TNRC6A: variants seen among roughly 807,000 people sequenced by gnomAD.
TNRC6A encodes trinucleotide repeat-containing gene 6A protein.
TNRC6A carries 44 observed loss-of-function variants against 221.2 expected under a neutral mutation model. That is an observed-to-expected ratio of 0.20 (90% CI 0.16 to 0.26). The LOEUF is 0.26. Ranked by LOEUF, TNRC6A falls within the 10% of genes least tolerant of loss-of-function variation. The pLI, the probability that TNRC6A is intolerant of heterozygous loss-of-function variation, is 1.00. For missense variants in TNRC6A, 2,199 were observed against 2,404.4 expected (o/e 0.91, Z 1.79); for synonymous variants, 847 against 838.5 (o/e 1.01, Z -0.18).
At chr16:24,660,339 C>T (rs970646419) in intron 2 of TNRC6A, among the ~76,000 whole-genome samples, 8 of 152,150 alleles carry the variant, frequency 5.3e-5, no homozygotes, top group African/African-American at 1.9e-4. Flanking sequence ...GTTTGGTTTT[C>T]CATTCCTGAG....
At chr16:24,691,021 G>A (rs115087415) in intron 2 of TNRC6A, among the ~76,000 whole-genome samples, 1,814 of 152,094 alleles carry the variant, frequency 0.012, 38 homozygotes, top group African/African-American at 0.041. Context: ...GTGTTAGCCA[G>A]GATTCGTCTC....
At chr16:24,768,770 G>C (rs1057221270) in intron 4 of TNRC6A, among the ~76,000 whole-genome samples, 8 of 152,186 alleles carry the variant, frequency 5.3e-5, no homozygotes, top group Non-Finnish European at 1.0e-4. Context: ...TTTGTGTACT[G>C]TATTTCTGCC....
At chr16:24,691,257 A>C (rs1239515349) in intron 2 of TNRC6A, among the ~76,000 whole-genome samples, 1 of 150,954 alleles carries the variant, frequency 6.6e-6, no homozygotes, top group Non-Finnish European at 1.5e-5. Flanking sequence ...TTCCTCTATC[A>C]CCCAGGCTGG....
At chr16:24,818,739 C>T (rs764902795) in intron 21 of TNRC6A, 39 bp downstream of exon 21, 1 of 1,496,942 alleles carries the variant, frequency 6.7e-7, no homozygotes, top group Non-Finnish European at 9.3e-7. Flanking sequence ...GGGTTGGTCA[C>T]AGCCAGAGCC....
At chr16:24,657,756 G>T (rs1214876146) in intron 2 of TNRC6A, among the ~76,000 whole-genome samples, 1 of 150,770 alleles carries the variant, frequency 6.6e-6, no homozygotes, top group African/African-American at 2.4e-5. Context: ...AGCCAAAAAT[G>T]CAGTGGAGAC....
At chr16:24,819,268 A>G (rs949361653) in intron 21 of TNRC6A, among the ~76,000 whole-genome samples, 1 of 152,152 alleles carries the variant, frequency 6.6e-6, no homozygotes, top group African/African-American at 2.4e-5. Flanking sequence ...AAAAGAGTTG[A>G]TAGTGATGGA....
chr16:24,673,390 C>G (rs2055345599), intron 2 of TNRC6A, among the ~76,000 whole-genome samples: 1 of 152,062 alleles, frequency 6.6e-6, no homozygotes, highest in Admixed American at 6.6e-5. Context: ...GAACTGTGTT[C>G]CACAGCCTTC....
At chr16:24,782,113 C>T (rs567811460) in intron 5 of TNRC6A, among the ~76,000 whole-genome samples, 44 of 152,264 alleles carry the variant, frequency 2.9e-4, no homozygotes, top group Non-Finnish European at 5.4e-4. Flanking sequence ...TGAGCCACCG[C>T]GCCCGGCCAA....
At chr16:24,634,587 T>A (rs189535154) in intron 1 of TNRC6A, among the ~76,000 whole-genome samples, 363 of 152,302 alleles carry the variant, frequency 2.4e-3, no homozygotes, top group Non-Finnish European at 4.1e-3. Context: ...ACCACAGGTA[T>A]GACTTATTCG....
chr16:24,645,493 AAAAAAAC>A (rs935399245), intron 2 of TNRC6A, among the ~76,000 whole-genome samples: 12 of 151,978 alleles, frequency 7.9e-5, no homozygotes, highest in South Asian at 4.2e-4. Flanking sequence ...CTGTCTCAAA[AAAAAAAC>A]AAAAAACAAA....
In TNRC6A at chr16:24,721,976, G is replaced by A. The variant is rs74695304; in HGVS notation, n.403-28750G>A. On this transcript the variant is annotated intron_variant and non_coding_transcript_variant, in intron 2 of 2. Coordinates refer to the TNRC6A transcript ENST00000566108. ...TTGTGGTGATGTGAATCAGAAAAGC[G>A]GTTTCCTGGTGGTAGGTGTCTGTGG... Among the ~76,000 whole-genome samples, 418 of 152,276 alleles carry A rather than the reference G, an allele frequency of 2.7e-3. 1 individual carries two copies. The highest frequency in any genetic ancestry group is 9.7e-3 in the African/African-American group (401 of 41,552).
chr16:24,727,298 G>A (rs1380393553), upstream of TNRC6A, among the ~76,000 whole-genome samples: 1 of 151,998 alleles, frequency 6.6e-6, no homozygotes, highest in African/African-American at 2.4e-5. Flanking sequence ...CAAAGTGCTG[G>A]GATTACAGGC....
chr16:24,689,411 T>C (rs1469061325), intron 2 of TNRC6A, among the ~76,000 whole-genome samples: 6 of 152,146 alleles, frequency 3.9e-5, no homozygotes, highest in Non-Finnish European at 8.8e-5. Context: ...CAAGAACAGA[T>C]TGAAGAAGAC....
intron 3 of TNRC6A, among the ~76,000 whole-genome samples, chr16:24,757,334 T>C (rs774563472): frequency 6.6e-6 from 1 of 152,212 alleles, no homozygotes; most frequent in Non-Finnish European, 1.5e-5. Context: ...TATAATAGTA[T>C]AATTTAAAAT....
intron 2 of TNRC6A, among the ~76,000 whole-genome samples, chr16:24,686,472 C>A (rs1018021606): frequency 1.3e-5 from 2 of 152,180 alleles, no homozygotes; most frequent in African/African-American, 4.8e-5. Context: ...TCACACACAT[C>A]CCCAATTTGC....
intron 2 of TNRC6A, among the ~76,000 whole-genome samples, chr16:24,748,786 T>G (rs192080249): frequency 6.6e-6 from 1 of 152,262 alleles, no homozygotes; most frequent in East Asian, 1.9e-4. Flanking sequence ...TTCTTCAACA[T>G]CCCTACTGCC....
intron 1 of TNRC6A, among the ~76,000 whole-genome samples, chr16:24,621,944 G>A (rs2141603271): frequency 6.6e-6 from 1 of 152,314 alleles, no homozygotes; most frequent in South Asian, 2.1e-4. Flanking sequence ...GCAAGGCTAT[G>A]AGTATCTGAA....
rs757351900 is a variant in TNRC6A at position 24,790,484 on chromosome 16, C to T, written c.1842C>T (p.Ser614=). ...PAQNTGTNLP[S]VEWNKLPSNQ... ...AAAACACTGGCACTAATTTACCCAG[C>T]GTTGAGTGGAACAAACTGCCTAGCA... The change falls in exon 6 of 25, where the codon AGC becomes AGT. Residue 614 remains serine (S), a synonymous_variant. Transcript: ENST00000395799. 4.3e-6 allele frequency: 7 copies of T among 1,614,074 alleles called. No individual in the cohort carries two copies. Among genetic ancestry groups the T allele is most frequent in the Admixed American group, 1.7e-5 (1 of 60,006 alleles).
At chr16:24,802,898 G>A (rs1457566655) in intron 11 of TNRC6A, among the ~76,000 whole-genome samples, 1 of 152,196 alleles carries the variant, frequency 6.6e-6, no homozygotes, top group East Asian at 1.9e-4. Context: ...TGTTGAAATA[G>A]AGCAGTAGCT....
Sources: allele counts gnomAD v4.1 joint callset (sites outside exome capture counted in the v4.1 genomes callset), GRCh38; gene constraint gnomAD v4.1.1; transcripts MANE v1.5; gene names NCBI Gene and HGNC (gene_info 2026-07-23, HGNC 2026-07-21).